The following MAP4K3 variants were observed in gnomAD, a reference collection of about 807,000 sequenced individuals.
The protein encoded by MAP4K3 is mitogen-activated protein kinase kinase kinase kinase 3.
MAP4K3 carries 94 observed loss-of-function variants against 143.5 expected under a neutral mutation model. The observed-to-expected ratio is 0.65, with a 90% CI of 0.55 to 0.78. The LOEUF is 0.78. MAP4K3 is among the 30% of genes least tolerant of loss of function. The pLI, the probability that MAP4K3 is intolerant of heterozygous loss-of-function variation, is 0.00. For synonymous variants in MAP4K3, 416 were observed against 347.2 expected (o/e 1.20, Z -2.20); for missense variants, 1,077 against 1,068.1 (o/e 1.01, Z -0.12).
chr2:39,427,019 C>A (rs1665109919), intron 1 of MAP4K3, among the ~76,000 whole-genome samples: 1 of 151,956 alleles, frequency 6.6e-6, no homozygotes, highest in South Asian at 2.1e-4. Flanking sequence ...ACACATAACA[C>A]TGTGAAACTG....
In MAP4K3 at chr2:39,293,213, T is replaced by C. The variant is rs1375799306; in HGVS notation, c.1217+17A>G. On this transcript the variant is annotated intron_variant, in intron 17 of 33. Coordinates refer to ENST00000263881, the MANE Select transcript of MAP4K3 (RefSeq NM_003618.4). ...GTCTGTGACATAAAGTACTTTAAGA[T>C]TAAAAATTAAAATTACCGCTGATGC... The C allele has an allele frequency of 1.3e-6, 2 of 1,526,940 alleles. No homozygotes were observed. The highest frequency in any genetic ancestry group is 1.8e-6 in the Non-Finnish European group (2 of 1,124,906). The allele number at this position is 1,526,940 out of a possible 1,614,324, so 94.6% of individuals were successfully genotyped here.
chr2:39,251,776 T>C (rs1680161948), intron 33 of MAP4K3, 54 bp downstream of exon 33: 2 of 1,382,718 alleles, frequency 1.4e-6, no homozygotes, highest in African/African-American at 1.4e-5. Context: ...TGTTTCATGC[T>C]GGATCTATAA....
At chr2:39,299,377 C>T (rs987523001) in intron 16 of MAP4K3, among the ~76,000 whole-genome samples, 2 of 151,868 alleles carry the variant, frequency 1.3e-5, no homozygotes, top group Non-Finnish European at 2.9e-5. Flanking sequence ...TGAATAATTC[C>T]AGCTGTTTTT....
At chr2:39,267,793 T>C (rs1680828282) in intron 26 of MAP4K3, among the ~76,000 whole-genome samples, 1 of 151,562 alleles carries the variant, frequency 6.6e-6, no homozygotes, top group East Asian at 1.9e-4. Flanking sequence ...TCTATAGAAA[T>C]ATATGACCTT....
chr2:39,253,399 T>A (rs1680224814), intron 32 of MAP4K3, among the ~76,000 whole-genome samples: 1 of 152,250 alleles, frequency 6.6e-6, no homozygotes, highest in Admixed American at 6.5e-5. Flanking sequence ...CCCAAAGTGC[T>A]GAGTGTACAG....
At chr2:39,351,187 C>G (rs576271483) in intron 3 of MAP4K3, among the ~76,000 whole-genome samples, 33 of 152,318 alleles carry the variant, frequency 2.2e-4, no homozygotes, top group Admixed American at 6.5e-4. Context: ...TATGTACCCC[C>G]TTTTCCCTCT....
intron 1 of MAP4K3, among the ~76,000 whole-genome samples, chr2:39,420,992 C>T (rs1667530233): frequency 6.6e-6 from 1 of 152,128 alleles, no homozygotes; most frequent in Non-Finnish European, 1.5e-5. Flanking sequence ...CCCAGTTTCC[C>T]CTGTCATTAA....
Position 39,311,172 on chromosome 2 carries a change from G to C in MAP4K3, c.998-1653C>G, listed in dbSNP as rs994556815. ...AGCTCACTGCAACCTCCACCTCCTGGGTTCAAGCGGTTCTCGTGCCTCGAC... is the reference window on the plus strand; with the variant it reads ...AGCTCACTGCAACCTCCACCTCCTGCGTTCAAGCGGTTCTCGTGCCTCGAC... On this transcript the variant is annotated intron_variant, in intron 13 of 33. Coordinates refer to ENST00000263881, the MANE Select transcript of MAP4K3 (RefSeq NM_003618.4). 5.3e-5 allele frequency among the ~76,000 whole-genome samples: 8 copies of C among 152,210 alleles called. No individual in the cohort carries two copies. In the South Asian group the frequency reaches 8.3e-4, roughly 16 times the overall value.
At chr2:39,335,052 A>G (rs915324753) in intron 6 of MAP4K3, among the ~76,000 whole-genome samples, 6 of 152,178 alleles carry the variant, frequency 3.9e-5, no homozygotes, top group African/African-American at 9.7e-5. Flanking sequence ...AATGAGCTCA[A>G]CATATTCTAA....
chr2:39,271,403 T>C (rs952252473), intron 26 of MAP4K3, among the ~76,000 whole-genome samples: 2 of 152,188 alleles, frequency 1.3e-5, no homozygotes, highest in Non-Finnish European at 2.9e-5. Flanking sequence ...TGTTAGTTGC[T>C]TTACAACAAA....
chr2:39,373,697 A>T (rs1388676237), intron 2 of MAP4K3, among the ~76,000 whole-genome samples: 1 of 152,238 alleles, frequency 6.6e-6, no homozygotes, highest in Non-Finnish European at 1.5e-5. Context: ...AGAAAGACAA[A>T]CATCACATGT....
At chr2:39,286,131 G>C (rs979766159) in intron 21 of MAP4K3, among the ~76,000 whole-genome samples, 3 of 152,228 alleles carry the variant, frequency 2.0e-5, no homozygotes, top group African/African-American at 7.2e-5. Context: ...TTCCACAGAT[G>C]GGGGTTGAAG....
intron 23 of MAP4K3, among the ~76,000 whole-genome samples, chr2:39,279,658 A>T (rs570070685): frequency 4.3e-4 from 65 of 152,210 alleles, no homozygotes; most frequent in African/African-American, 1.5e-3. Context: ...GCTGTTTTGA[A>T]AAAAATGAAG....
At chr2:39,306,074 C>T (rs1158548883) in intron 15 of MAP4K3, among the ~76,000 whole-genome samples, 5 of 151,704 alleles carry the variant, frequency 3.3e-5, no homozygotes, top group East Asian at 1.9e-4. Context: ...ATGATCTGCC[C>T]GCCTTGGCCT....
intron 7 of MAP4K3, among the ~76,000 whole-genome samples, chr2:39,332,951 C>G (rs1235669226): frequency 2.0e-5 from 3 of 151,900 alleles, no homozygotes; most frequent in South Asian, 4.2e-4. Context: ...TTAATACTAA[C>G]AAATATGACT....
At chr2:39,416,006 A>AT (rs1420812309) in intron 1 of MAP4K3, among the ~76,000 whole-genome samples, 83 of 75,858 alleles carry the variant, frequency 1.1e-3, no homozygotes, top group African/African-American at 5.5e-3. Flanking sequence ...TATATATATA[A>AT]AAATAACATT....
At chr2:39,342,338 C>T (rs1307275758) in intron 4 of MAP4K3, among the ~76,000 whole-genome samples, 1 of 152,010 alleles carries the variant, frequency 6.6e-6, no homozygotes, top group Non-Finnish European at 1.5e-5. Flanking sequence ...CCATGTTGGC[C>T]AGGCCAGTCT....
intron 18 of MAP4K3, among the ~76,000 whole-genome samples, chr2:39,291,525 T>C (rs889280654): frequency 2.0e-5 from 3 of 152,180 alleles, no homozygotes; most frequent in African/African-American, 7.2e-5. Flanking sequence ...ACTATATATA[T>C]GCTTTATGAA....
Position 39,254,498 on chromosome 2 carries a change from T to G in MAP4K3, c.2493A>C (p.Leu831=), listed in dbSNP as rs778060609. The change falls in exon 32 of 34, where the codon CTA becomes CTC. Residue 831 remains leucine (L), a synonymous_variant. Coordinates refer to ENST00000263881, the MANE Select transcript of MAP4K3 (RefSeq NM_003618.4). ...ESIVCLQDSV[L]AFWKHGMQGR... Reference sequence around the variant, plus strand: ...CTTGCATTCCATGTTTCCAGAAAGCTAGCACACTGTCTTGTAGGCACACTA... The same window carrying G: ...CTTGCATTCCATGTTTCCAGAAAGCGAGCACACTGTCTTGTAGGCACACTA... 9.9e-6 allele frequency: 16 copies of G among 1,613,950 alleles called. No homozygotes were observed. In the East Asian group the frequency reaches 1.3e-4, roughly 13 times the overall value.
Sources: allele counts gnomAD v4.1 joint callset (sites outside exome capture counted in the v4.1 genomes callset), GRCh38; gene constraint gnomAD v4.1.1; transcripts MANE v1.5; gene names NCBI Gene and HGNC (gene_info 2026-07-23, HGNC 2026-07-21).